HMGA2: variants seen among roughly 807,000 people sequenced by gnomAD.
HMGA2 encodes the protein high mobility group AT-hook 2, also known as high mobility group protein HMGI-C.
Under a neutral mutation model 19.1 loss-of-function variants are expected in HMGA2, and 8 were observed. That is an observed-to-expected ratio of 0.42 (90% CI 0.25 to 0.76). HMGA2 has a LOEUF of 0.76. Ranked by LOEUF, HMGA2 falls within the 30% of genes least tolerant of loss-of-function variation. The pLI is 0.28. For missense variants in HMGA2, 109 were observed against 136.3 expected, an observed-to-expected ratio of 0.80 and a Z score of 1.00; for synonymous variants, 60 against 48.8, an observed-to-expected ratio of 1.23 and a Z score of -0.96.
chr12:65,842,736 T>C, intron 3 of HMGA2: 3 of 1,440,738 alleles, frequency 2.1e-6, no homozygotes, highest in Non-Finnish European at 2.7e-6. Context: ...AGAACTTCTA[T>C]AGAATTCCAT....
intron 3 of HMGA2, chr12:65,914,867 GT>G (rs1565731026): frequency 3.4e-6 from 2 of 589,866 alleles, no homozygotes; most frequent in East Asian, 6.6e-5. Context: ...TAGAGACAGG[GT>G]TTCACCATGT....
intron 3 of HMGA2, among the ~76,000 whole-genome samples, chr12:65,879,294 T>A (rs867463583): frequency 0.033 from 4,773 of 146,626 alleles, 129 homozygotes; most frequent in African/African-American, 0.06. Flanking sequence ...TACCAGCTAT[T>A]TTTTTTTTTT....
intron 3 of HMGA2, among the ~76,000 whole-genome samples, chr12:65,909,720 G>A (rs762785440): frequency 6.6e-6 from 1 of 152,190 alleles, no homozygotes; most frequent in Non-Finnish European, 1.5e-5. Context: ...AGATGTGAAT[G>A]TAGGAGTAGC....
chr12:65,938,839 CT>C (rs1046266322), intron 3 of HMGA2, among the ~76,000 whole-genome samples: 34 of 151,826 alleles, frequency 2.2e-4, no homozygotes, highest in African/African-American at 7.7e-4. Context: ...GATTTTTGTA[CT>C]TTTTTTTAGA....
chr12:65,835,852 C>T (rs1269217477), intron 2 of HMGA2, among the ~76,000 whole-genome samples: 2 of 152,130 alleles, frequency 1.3e-5, no homozygotes, highest in African/African-American at 4.8e-5. Context: ...ACTTCACACC[C>T]CCTTTTCAAT....
chr12:65,940,224 G>T (rs1048396719), intron 3 of HMGA2, among the ~76,000 whole-genome samples: 1 of 152,056 alleles, frequency 6.6e-6, no homozygotes, highest in Non-Finnish European at 1.5e-5. Flanking sequence ...AGAAATAAAA[G>T]ATTAAAGAAA....
chr12:65,946,006 G>A (rs867558887), intron 3 of HMGA2, among the ~76,000 whole-genome samples: 7 of 152,058 alleles, frequency 4.6e-5, no homozygotes, highest in South Asian at 2.1e-4. Flanking sequence ...TATCTTTTGC[G>A]TAAACATTTT....
At chr12:65,890,946 A>G (rs1240397599) in intron 3 of HMGA2, among the ~76,000 whole-genome samples, 4 of 151,892 alleles carry the variant, frequency 2.6e-5, no homozygotes, top group African/African-American at 9.7e-5. Context: ...GGCCAGGCTG[A>G]TCTCGAACTC....
intron 3 of HMGA2, among the ~76,000 whole-genome samples, chr12:65,875,923 G>T (rs1872995879): frequency 6.6e-6 from 1 of 151,950 alleles, no homozygotes; most frequent in Non-Finnish European, 1.5e-5. Context: ...GCTCATCTCT[G>T]CTTCTTCAGC....
intron 3 of HMGA2, among the ~76,000 whole-genome samples, chr12:65,853,114 G>A (rs1871558770): frequency 6.6e-6 from 1 of 152,166 alleles, no homozygotes; most frequent in Non-Finnish European, 1.5e-5. Flanking sequence ...TGACGTGTGG[G>A]GAACTGGGAG....
At chr12:65,851,458 T>C (rs1400881701) in intron 3 of HMGA2, 2 of 215,224 alleles carry the variant, frequency 9.3e-6, no homozygotes, top group African/African-American at 4.7e-5. Context: ...GAGGTTGCAG[T>C]GAGCTGAGAT....
At chr12:65,946,341 G>A (rs1876263159) in intron 3 of HMGA2, among the ~76,000 whole-genome samples, 1 of 152,132 alleles carries the variant, frequency 6.6e-6, no homozygotes, top group Non-Finnish European at 1.5e-5. Flanking sequence ...TGCCTGGCAA[G>A]AAGCAAAGGA....
intron 3 of HMGA2, chr12:65,882,065 C>T (rs894632362): frequency 6.1e-5 from 36 of 592,818 alleles, no homozygotes; most frequent in African/African-American, 5.5e-4. Context: ...AGCTGTCCAC[C>T]TTGTCCGGAG....
intron 3 of HMGA2, among the ~76,000 whole-genome samples, chr12:65,898,222 G>A (rs1259775303): frequency 6.6e-6 from 1 of 152,164 alleles, no homozygotes; most frequent in African/African-American, 2.4e-5. Context: ...ATATCCAGGT[G>A]CTGTAAGTCG....
rs186390414 is a variant in HMGA2 at position 65,830,026 on chromosome 12, C to T, written c.198+1939C>T. ...TAGGCTTTCTTTTTTCTAAAGATTCCTTCTCCAGAATCTTTCATTCTTTCA... is the reference window on the plus strand; with the variant it reads ...TAGGCTTTCTTTTTTCTAAAGATTCTTTCTCCAGAATCTTTCATTCTTTCA... On this transcript the variant is annotated intron_variant, in intron 2 of 4. Transcript: ENST00000403681. 9.9e-4 allele frequency among the ~76,000 whole-genome samples: 151 copies of T among 152,060 alleles called. 1 individual carries two copies. Among genetic ancestry groups the T allele is most frequent in the African/African-American group, 3.5e-3 (147 of 41,550 alleles).
intron 3 of HMGA2, chr12:65,877,104 G>T (rs1441332622): frequency 6.6e-6 from 1 of 152,190 alleles, no homozygotes; most frequent in African/African-American, 2.4e-5. Context: ...TCTTGCTTGG[G>T]CTTGAGGAAT....
intron 3 of HMGA2, chr12:65,914,725 A>T: frequency 3.0e-6 from 1 of 329,688 alleles, no homozygotes; most frequent in Non-Finnish European, 5.9e-6. Flanking sequence ...CTCAGGCTGG[A>T]GTGCAGTGGT....
At chr12:65,827,039 A>G (rs1439647074) in intron 1 of HMGA2, 3 of 152,214 alleles carry the variant, frequency 2.0e-5, no homozygotes. Flanking sequence ...CCGAATCTGA[A>G]TGAAATGTGA....
At chr12:65,862,060 G>T (rs1313761517) in intron 3 of HMGA2, among the ~76,000 whole-genome samples, 2 of 151,854 alleles carry the variant, frequency 1.3e-5, no homozygotes, top group African/African-American at 2.4e-5. Context: ...GATCAGGCTG[G>T]TCTTAGTCTT....
Sources: gnomAD v4.1 joint callset for allele counts (sites outside exome capture counted in the v4.1 genomes callset) on GRCh38, gnomAD v4.1.1 for gene constraint, MANE v1.5 for transcripts, NCBI Gene and HGNC (gene_info 2026-07-23, HGNC 2026-07-21) for gene names.